Variants in STT3B observed in about 807,000 individuals in gnomAD.
The protein encoded by STT3B is STT3 oligosaccharyltransferase complex catalytic subunit B.
STT3B carries 29 observed loss-of-function variants against 96.8 expected under a neutral mutation model. The ratio of observed to expected loss-of-function variants is 0.30; its 90% confidence interval spans 0.22 to 0.41. The LOEUF is 0.41. Ranked by LOEUF, STT3B falls within the 10% of genes least tolerant of loss-of-function variation. STT3B has a pLI of 1.00. For synonymous variants in STT3B, 367 were observed against 360.0 expected (o/e 1.02, Z -0.22); for missense variants, 640 against 1,022.3 (o/e 0.63, Z 5.10).
intron 5 of STT3B, among the ~76,000 whole-genome samples, chr3:31,609,029 TG>T (rs1266799076): frequency 1.3e-5 from 2 of 152,156 alleles, no homozygotes; most frequent in East Asian, 3.9e-4. Flanking sequence ...GCAGGAGAGT[TG>T]CTTGAACCTG....
intron 1 of STT3B, among the ~76,000 whole-genome samples, chr3:31,571,984 A>C (rs895117275): frequency 7.0e-5 from 10 of 141,858 alleles, no homozygotes; most frequent in East Asian, 3.9e-4. Flanking sequence ...TATCAATATT[A>C]AATATATTAA....
intron 3 of STT3B, among the ~76,000 whole-genome samples, chr3:31,594,299 G>A (rs950050826): frequency 5.3e-5 from 8 of 152,086 alleles, no homozygotes; most frequent in Admixed American, 4.6e-4. Flanking sequence ...TCTGGAGATA[G>A]CACGAGATCC....
At chr3:31,624,356 G>C (rs1699488793) in intron 11 of STT3B, among the ~76,000 whole-genome samples, 2 of 152,218 alleles carry the variant, frequency 1.3e-5, no homozygotes, top group African/African-American at 4.8e-5. Context: ...CTCTTTTCCA[G>C]AATATTTCTG....
chr3:31,583,252 G>A (rs547351657), intron 3 of STT3B, among the ~76,000 whole-genome samples: 1 of 152,116 alleles, frequency 6.6e-6, no homozygotes, highest in East Asian at 1.9e-4. Flanking sequence ...CCTTCTTGCT[G>A]TATTGAACTG....
At chr3:31,606,360 C>T (rs950656658) in intron 5 of STT3B, among the ~76,000 whole-genome samples, 1 of 152,214 alleles carries the variant, frequency 6.6e-6, no homozygotes, top group African/African-American at 2.4e-5. Flanking sequence ...CCCCTCCCAT[C>T]ATAGGTCCAG....
At chr3:31,554,543 G>C (rs193249566) in intron 1 of STT3B, among the ~76,000 whole-genome samples, 3 of 151,510 alleles carry the variant, frequency 2.0e-5, no homozygotes, top group Non-Finnish European at 2.9e-5. Flanking sequence ...CCAAAACCGC[G>C]TCAGCAGCTC....
At chr3:31,556,982 T>C (rs1259440404) in intron 1 of STT3B, among the ~76,000 whole-genome samples, 2 of 152,142 alleles carry the variant, frequency 1.3e-5, no homozygotes, top group Non-Finnish European at 2.9e-5. Context: ...CCTAAAGTGG[T>C]TTTTTATTGT....
At chr3:31,609,695 A>G (rs549351045) in intron 5 of STT3B, among the ~76,000 whole-genome samples, 9 of 152,172 alleles carry the variant, frequency 5.9e-5, no homozygotes, top group Non-Finnish European at 1.0e-4. Flanking sequence ...CCTGGGTTCA[A>G]GCAATTCTCC....
At chr3:31,566,931 A>T (rs896354196) in intron 1 of STT3B, among the ~76,000 whole-genome samples, 2 of 152,232 alleles carry the variant, frequency 1.3e-5, no homozygotes, top group African/African-American at 4.8e-5. Context: ...TTTTGAAAAC[A>T]TGATTATTAC....
At chr3:31,626,260 A>G in intron 13 of STT3B, 133 bp downstream of exon 13, 1 of 809,138 alleles carries the variant, frequency 1.2e-6, no homozygotes, top group Non-Finnish European at 1.9e-6. Context: ...TGGCTTTACT[A>G]TTTATTAAAG....
At chr3:31,588,596 CT>C (rs1281160225) in intron 3 of STT3B, among the ~76,000 whole-genome samples, 1 of 151,850 alleles carries the variant, frequency 6.6e-6, no homozygotes, top group African/African-American at 2.4e-5. Context: ...AGATTTTTGC[CT>C]TTTATTCCAA....
chr3:31,533,348 C>T, intron 1 of STT3B, 36 bp downstream of exon 1: 1 of 1,456,466 alleles, frequency 6.9e-7, no homozygotes. Flanking sequence ...GCCCGTGGCC[C>T]GCGGGGAACC....
intron 1 of STT3B, among the ~76,000 whole-genome samples, chr3:31,557,392 C>A (rs1278372782): frequency 1.3e-5 from 2 of 152,018 alleles, no homozygotes; most frequent in Admixed American, 1.3e-4. Context: ...ACTGTTTTTT[C>A]TATTTCTGTA....
At chr3:31,602,127 T>C (rs2125464361) in intron 5 of STT3B, among the ~76,000 whole-genome samples, 1 of 152,154 alleles carries the variant, frequency 6.6e-6, no homozygotes, top group South Asian at 2.1e-4. Context: ...TGTCTCTGAT[T>C]GCATGAATGA....
At chr3:31,544,943 C>CGGG (rs113666822) in intron 1 of STT3B, among the ~76,000 whole-genome samples, 1 of 150,860 alleles carries the variant, frequency 6.6e-6, no homozygotes, top group African/African-American at 2.4e-5. Flanking sequence ...TCTCAGGGAG[C>CGGG]GGGGGGGGAA....
intron 5 of STT3B, among the ~76,000 whole-genome samples, chr3:31,606,376 T>TA (rs1699054852): frequency 6.6e-6 from 1 of 152,186 alleles, no homozygotes; most frequent in Admixed American, 6.5e-5. Context: ...TCCAGAGGCC[T>TA]AAAGGAAAAC....
chr3:31,593,552 C>G (rs1285888819), intron 3 of STT3B, among the ~76,000 whole-genome samples: 1 of 152,038 alleles, frequency 6.6e-6, no homozygotes, highest in Non-Finnish European at 1.5e-5. Context: ...TTTGTAGCCT[C>G]TCCTTTTTTG....
intron 5 of STT3B, among the ~76,000 whole-genome samples, chr3:31,611,267 C>G (rs149963068): frequency 7.9e-5 from 12 of 152,208 alleles, no homozygotes; most frequent in African/African-American, 2.9e-4. Flanking sequence ...GTCACATGAC[C>G]TTTCTTCCTA....
At chr3:31,619,959 G>A (rs368764178) in intron 9 of STT3B, 129 bp downstream of exon 9, 16 of 1,509,924 alleles carry the variant, frequency 1.1e-5, no homozygotes, top group South Asian at 8.7e-5. Context: ...CCTTTATTTT[G>A]CATAGGTGCT....
Sources: allele counts gnomAD v4.1 joint callset (sites outside exome capture counted in the v4.1 genomes callset), GRCh38; gene constraint gnomAD v4.1.1; transcripts MANE v1.5; gene names NCBI Gene and HGNC (gene_info 2026-07-23, HGNC 2026-07-21).